The following DSG4 variants were observed in gnomAD, a reference collection of about 807,000 sequenced individuals.
DSG4 encodes desmoglein 4.
In DSG4, 87 loss-of-function variants were observed where a neutral mutation model predicts 93.1. The ratio of observed to expected loss-of-function variants is 0.93; its 90% confidence interval spans 0.79 to 1.12. The LOEUF (loss-of-function observed/expected upper bound fraction) is 1.12. Among genes scored for constraint, DSG4 ranks in the 50% most tolerant of loss-of-function variants. DSG4 has a pLI of 0.00. For missense variants in DSG4, 1,373 were observed against 1,285.7 expected (o/e 1.07, Z -1.04); for synonymous variants, 432 against 452.9 (o/e 0.95, Z 0.59).
At chr18:31,401,078 TG>T (rs1050888097) in intron 10 of DSG4, 58 bp downstream of exon 10, 1 of 1,391,410 alleles carries the variant, frequency 7.2e-7, no homozygotes, top group African/African-American at 1.5e-5. Context: ...TTAAATATTA[TG>T]TTATTCTAAT....
At chr18:31,406,560 C>T (rs557089250) in intron 12 of DSG4, among the ~76,000 whole-genome samples, 187 bp downstream of exon 12, 2 of 151,998 alleles carry the variant, frequency 1.3e-5, no homozygotes, top group African/African-American at 2.4e-5. Context: ...ACTAAGAAAG[C>T]CTAGGGTGAG....
At position 31,403,567 on chromosome 18, in the gene DSG4, G is replaced by A. The variant is rs142117600; in HGVS notation, c.1569G>A (p.Pro523=). The A allele has an allele frequency of 1.5e-5, 24 of 1,613,924 alleles. No individual in the cohort carries two copies. Among genetic ancestry groups the A allele is most frequent in the East Asian group, 1.3e-4 (6 of 44,854 alleles). Residue 523 remains proline (P), a synonymous_variant, in exon 11 of 16, where the codon CCG becomes CCA. Coordinates refer to ENST00000308128, the MANE Select transcript of DSG4 (RefSeq NM_177986.5). ...TTAATGAACATTCTTATGGGTCTCC[G>A]TTTACTTTCTGTGTTGTTGATGAGC... ...ISVNEHSYGS[P]FTFCVVDEPP... is the part of the protein sequence containing the mutation.
intron 7 of DSG4, among the ~76,000 whole-genome samples, chr18:31,391,954 T>C (rs2072254561): frequency 6.6e-6 from 1 of 152,208 alleles, no homozygotes; most frequent in Non-Finnish European, 1.5e-5. Flanking sequence ...ACCTTGATTT[T>C]ACATACAGCA....
At chr18:31,397,369 C>T (rs920268306) in intron 8 of DSG4, among the ~76,000 whole-genome samples, 5 of 152,088 alleles carry the variant, frequency 3.3e-5, no homozygotes, top group Non-Finnish European at 7.4e-5. Context: ...GACTGAGTTT[C>T]CCCAGCCTCT....
chr18:31,406,269 G>T lies in DSG4; in HGVS notation c.1829G>T (p.Gly610Val). ...GGCATCTACACAGAGGACATAACTG[G>T]TGACACGTATGGGCCTGTCACTGAA... ...AAGIYTEDIT[G>V]DTYGPVTEDQ... The change falls in exon 12 of 16, where the codon GGT becomes GTT. Residue 610 changes from glycine to valine, a missense_variant. By Grantham distance (109) the Gly-to-Val change is moderately radical. Transcript: ENST00000308128. 6.2e-7 allele frequency: 1 copy of T among 1,614,196 alleles called. No homozygotes were observed. Among genetic ancestry groups the T allele is most frequent in the Non-Finnish European group, 8.5e-7 (1 of 1,180,044 alleles).
In DSG4 at chr18:31,406,262, A is replaced by G. The variant is rs904489030; in HGVS notation, c.1822A>G (p.Ile608Val). 6 of 1,614,140 alleles carry G rather than the reference A, an allele frequency of 3.7e-6. No individual in the cohort carries two copies. The highest frequency in any genetic ancestry group is 1.7e-5 in the Admixed American group (1 of 60,010). ...TGCCGCGGGCATCTACACAGAGGAC[A>G]TAACTGGTGACACGTATGGGCCTGT... Reference protein sequence around the residue: ...SGAAGIYTEDITGDTYGPVTE... With the variant: ...SGAAGIYTEDVTGDTYGPVTE... The change falls in exon 12 of 16, where the codon ATA (isoleucine) becomes GTA (valine). Residue 608 changes from isoleucine to valine, a missense_variant. By Grantham distance (29) the Ile-to-Val change is conservative. Transcript: ENST00000308128.
At chr18:31,390,098 T>C (rs2072231414) in intron 5 of DSG4, among the ~76,000 whole-genome samples, 1 of 152,204 alleles carries the variant, frequency 6.6e-6, no homozygotes, top group South Asian at 2.1e-4. Flanking sequence ...AATTAGGAAC[T>C]TCTTATATTG....
At chr18:31,397,892 T>C (rs1242032221) in intron 8 of DSG4, among the ~76,000 whole-genome samples, 2 of 151,850 alleles carry the variant, frequency 1.3e-5, no homozygotes, top group Non-Finnish European at 2.9e-5. Context: ...CCCGGTGTGG[T>C]GGCGCATGCT....
At chr18:31,402,796 C>T (rs1416127479) in intron 10 of DSG4, among the ~76,000 whole-genome samples, 1 of 152,110 alleles carries the variant, frequency 6.6e-6, no homozygotes, top group Non-Finnish European at 1.5e-5. Context: ...GTCTTTGGCC[C>T]TTTCTGATTA....
At chr18:31,408,440 T>C (rs1340111804) in intron 12 of DSG4, among the ~76,000 whole-genome samples, 1 of 152,234 alleles carries the variant, frequency 6.6e-6, no homozygotes, top group Non-Finnish European at 1.5e-5. Flanking sequence ...AATGTATAAC[T>C]TGACCTTTCA....
chr18:31,410,849 A>T (rs1235555607), intron 14 of DSG4, among the ~76,000 whole-genome samples: 1 of 152,116 alleles, frequency 6.6e-6, no homozygotes, highest in South Asian at 2.1e-4. Context: ...AAGGAGGACT[A>T]TGAGCTCAGT....
chr18:31,389,091 A>G, intron 5 of DSG4, 73 bp downstream of exon 5: 1 of 1,548,354 alleles, frequency 6.5e-7, no homozygotes, highest in South Asian at 1.1e-5. Context: ...TAGAGGACTG[A>G]CATACAGGAA....
In DSG4 at chr18:31,411,349, C is replaced by T; in HGVS notation, c.2256C>T (p.Ala752=). Residue 752 remains alanine (A), a synonymous_variant, in exon 15 of 16, where the codon GCC becomes GCT. Coordinates refer to ENST00000308128, the MANE Select transcript of DSG4 (RefSeq NM_177986.5). ...VGLMAAGAAG[A]SGAARKRSST... ...TCATGGCCGCAGGGGCCGCAGGAGCCTCAGGGGCCGCAAGGAAGAGGAGCT... is the reference window on the plus strand; with the variant it reads ...TCATGGCCGCAGGGGCCGCAGGAGCTTCAGGGGCCGCAAGGAAGAGGAGCT... The T allele has an allele frequency of 6.2e-7, 1 of 1,614,086 alleles. No individual in the cohort carries two copies. Among genetic ancestry groups the T allele is most frequent in the South Asian group, 1.1e-5 (1 of 91,078 alleles).
chr18:31,405,855 G>T (rs2072418217), intron 11 of DSG4, among the ~76,000 whole-genome samples: 2 of 151,954 alleles, frequency 1.3e-5, no homozygotes, highest in South Asian at 4.1e-4. Context: ...CTGCACTCCA[G>T]CCTGGGCAAT....
chr18:31,399,204 A>G, intron 8 of DSG4, 68 bp from the exon 9 acceptor site: 1 of 1,601,664 alleles, frequency 6.2e-7, no homozygotes, highest in Non-Finnish European at 8.5e-7. Flanking sequence ...TTGCTTTACC[A>G]TGGCTTCTTA....
chr18:31,396,523 G>A (rs904911707), intron 8 of DSG4, among the ~76,000 whole-genome samples: 1 of 151,726 alleles, frequency 6.6e-6, no homozygotes, highest in Non-Finnish European at 1.5e-5. Flanking sequence ...CCCGGCTAAT[G>A]TTTGTATTTT....
intron 11 of DSG4, among the ~76,000 whole-genome samples, chr18:31,405,261 T>C (rs1217888012): frequency 6.6e-6 from 1 of 152,204 alleles, no homozygotes; most frequent in African/African-American, 2.4e-5. Context: ...TTTATGAAAA[T>C]TCATAGGCAA....
chr18:31,395,111 G>C (rs543419524), intron 8 of DSG4, among the ~76,000 whole-genome samples: 24 of 152,106 alleles, frequency 1.6e-4, no homozygotes, highest in African/African-American at 5.3e-4. Context: ...TAATGGCATA[G>C]ATATCATCCA....
At position 31,413,745 on chromosome 18, in the gene DSG4, G is replaced by A; in HGVS notation, c.*150G>A. ...TGCCATTATTTGATTATACCATTTT[G>A]AGGGTGAATATGGCTAGGCACTTTA... is the stretch of plus-strand genomic sequence containing the variant. On this transcript the variant is annotated 3_prime_UTR_variant, in exon 16 of 16. Transcript: ENST00000308128. The A allele has an allele frequency of 1.8e-6, 2 of 1,101,870 alleles. No homozygotes were observed. The highest frequency in any genetic ancestry group is 2.6e-6 in the Non-Finnish European group (2 of 769,366). The allele number at this position is 1,101,870 out of a possible 1,614,324, so 68.3% of individuals were successfully genotyped here. A position where few individuals can be genotyped will look rare whatever the true frequency, so the allele number is the denominator to read the frequency against.
Sources: gnomAD v4.1 joint callset for allele counts (sites outside exome capture counted in the v4.1 genomes callset) on GRCh38, gnomAD v4.1.1 for gene constraint, MANE v1.5 for transcripts, NCBI Gene and HGNC (gene_info 2026-07-23, HGNC 2026-07-21) for gene names.